RPS20: variants seen among roughly 807,000 people sequenced by gnomAD.
RPS20 encodes the protein ribosomal protein S20.
In RPS20, 3 loss-of-function variants were observed where a neutral mutation model predicts 15.3. The observed-to-expected ratio is 0.20, with a 90% CI of 0.09 to 0.51. RPS20 has a LOEUF of 0.51. Ranked by LOEUF, RPS20 falls within the 20% of genes least tolerant of loss-of-function variation. The pLI, the probability that RPS20 is intolerant of heterozygous loss-of-function variation, is 0.96. For synonymous variants in RPS20, 62 were observed against 47.8 expected, an observed-to-expected ratio of 1.30 and a Z score of -1.23; for missense variants, 67 against 145.9, an observed-to-expected ratio of 0.46 and a Z score of 2.79.
At chr8:56,071,552 G>A (rs1362038357), downstream of RPS20, among the ~76,000 whole-genome samples, 1 of 152,206 alleles carries the variant, frequency 6.6e-6, no homozygotes, top group Non-Finnish European at 1.5e-5. Flanking sequence ...GGTAACAGCA[G>A]TAGGGGAGGG....
downstream of RPS20, chr8:56,068,528 ACT>A (rs1322746217): frequency 7.3e-6 from 1 of 137,026 alleles, no homozygotes; most frequent in Non-Finnish European, 1.6e-5. Flanking sequence ...ACAGAGAAAG[ACT>A]CTAAAAAAAA....
downstream of RPS20, among the ~76,000 whole-genome samples, chr8:56,070,116 A>G (rs1044374859): frequency 3.3e-5 from 5 of 152,086 alleles, no homozygotes; most frequent in African/African-American, 9.7e-5. Flanking sequence ...CTGTAATTCA[A>G]TGCAGTATCG....
chr8:56,072,186 C>T (rs1809782315), downstream of RPS20, among the ~76,000 whole-genome samples: 3 of 152,174 alleles, frequency 2.0e-5, no homozygotes, highest in South Asian at 6.2e-4. Context: ...GTGATCACAC[C>T]ACTGCACTCC....
chr8:56,070,728 A>G (rs10110488), downstream of RPS20, among the ~76,000 whole-genome samples: 128 of 144,142 alleles, frequency 8.9e-4, 1 homozygote, highest in African/African-American at 3.1e-3. Flanking sequence ...GACTGTTTCC[A>G]TTTAAATTCA....
downstream of RPS20, among the ~76,000 whole-genome samples, chr8:56,072,256 TA>T (rs1344673379): frequency 2.0e-5 from 3 of 151,576 alleles, no homozygotes; most frequent in Admixed American, 6.6e-5. Flanking sequence ...TTAAAAAATG[TA>T]AAAGTGAAAA....
At chr8:56,069,043 G>A (rs572115975), downstream of RPS20, among the ~76,000 whole-genome samples, 129 of 149,058 alleles carry the variant, frequency 8.7e-4, no homozygotes, top group African/African-American at 2.7e-3. Context: ...GATGATCCAT[G>A]GGGTGAGTTC....
downstream of RPS20, among the ~76,000 whole-genome samples, chr8:56,071,920 T>G (rs1308375449): frequency 2.0e-5 from 3 of 152,234 alleles, no homozygotes; most frequent in African/African-American, 7.2e-5. Flanking sequence ...CCAATAAGTT[T>G]AGCAAACCTG....
At chr8:56,072,553 C>CA (rs1809793813), downstream of RPS20, among the ~76,000 whole-genome samples, 1 of 148,856 alleles carries the variant, frequency 6.7e-6, no homozygotes, top group South Asian at 2.1e-4. Context: ...CGCCGTCCCC[C>CA]CCCCCAAAAA....
At chr8:56,074,247 TC>T in intron 1 of RPS20, 88 bp from the exon 2 acceptor site, 1 of 1,525,356 alleles carries the variant, frequency 6.6e-7, no homozygotes, top group Non-Finnish European at 9.0e-7. Flanking sequence ...TTCCCGCGTT[TC>T]CCCACCATTT....
Position 56,074,430 on chromosome 8 carries a change from C to G in RPS20, c.-47G>C. On this transcript the variant is annotated 5_prime_UTR_variant, in exon 1 of 4. Coordinates refer to ENST00000009589, the MANE Select transcript of RPS20 (RefSeq NM_001023.4). ...TGACCGACTTGTTCCTCGGCGAGAG[C>G]GAACAGCGGTGAGTCAGGAGCAGGA... 6.5e-7 allele frequency: 1 copy of G among 1,546,508 alleles called. No homozygotes were observed. The highest frequency in any genetic ancestry group is 2.4e-5 in the East Asian group (1 of 41,746).
chr8:56,070,459 G>A (rs1279160293), downstream of RPS20, among the ~76,000 whole-genome samples: 2 of 152,128 alleles, frequency 1.3e-5, no homozygotes, highest in Admixed American at 6.6e-5. Flanking sequence ...ATCCAGTCTG[G>A]GTATAGTGGC....
chr8:56,073,422 A>T, intron 3 of RPS20, 150 bp from the exon 4 acceptor site: 1 of 670,372 alleles, frequency 1.5e-6, no homozygotes, highest in Non-Finnish European at 2.6e-6. Context: ...CATGGGTTGA[A>T]AATGCCAGGT....
downstream of RPS20, chr8:56,069,565 CTGAGA>C (rs1809698126): frequency 3.1e-6 from 2 of 640,894 alleles, no homozygotes; most frequent in East Asian, 5.6e-5. Context: ...TCCCAAAGTG[CTGAGA>C]TTACAGGTGT....
intron 2 of RPS20, 33 bp from the exon 3 acceptor site, chr8:56,073,801 G>C (rs750376590): frequency 2.1e-5 from 34 of 1,597,788 alleles, no homozygotes; most frequent in Non-Finnish European, 2.7e-5. Flanking sequence ...CAGTATAATC[G>C]AAACAATTAA....
At chr8:56,071,516 G>A (rs1387999770), downstream of RPS20, among the ~76,000 whole-genome samples, 1 of 152,190 alleles carries the variant, frequency 6.6e-6, no homozygotes, top group African/African-American at 2.4e-5. Flanking sequence ...GAGATCTGAA[G>A]TAGACTCAGA....
chr8:56,068,850 A>G (rs1199713618), downstream of RPS20, among the ~76,000 whole-genome samples: 19 of 60,886 alleles, frequency 3.1e-4, no homozygotes, highest in African/African-American at 1.2e-3. Context: ...TTTTTGAGAC[A>G]GAGTCTCAGT....
chr8:56,068,792 TC>T (rs1278514272), downstream of RPS20, among the ~76,000 whole-genome samples: 11 of 145,358 alleles, frequency 7.6e-5, no homozygotes, highest in African/African-American at 2.5e-4. Flanking sequence ...TTCCATATTC[TC>T]TTGGTGAAAA....
exon 6 of RPS20, chr8:56,067,992 CTCTT>C (rs1334545899): frequency 6.6e-6 from 1 of 152,140 alleles, no homozygotes; most frequent in Non-Finnish European, 1.5e-5. Context: ...AGAAAAGAGT[CTCTT>C]TCAGATTTAG....
exon 6 of RPS20, chr8:56,067,990 GTC>G (rs1231919146): frequency 6.6e-6 from 1 of 152,130 alleles, no homozygotes; most frequent in Non-Finnish European, 1.5e-5. Context: ...TTAGAAAAGA[GTC>G]TCTTTCAGAT....
Sources: gnomAD v4.1 joint callset for allele counts (sites outside exome capture counted in the v4.1 genomes callset) on GRCh38, gnomAD v4.1.1 for gene constraint, MANE v1.5 for transcripts, NCBI Gene and HGNC (gene_info 2026-07-23, HGNC 2026-07-21) for gene names.